Variants in PDE8A observed in about 807,000 individuals in gnomAD.
PDE8A encodes phosphodiesterase 8A.
In PDE8A, 59 loss-of-function variants were observed where a neutral mutation model predicts 105.0. The observed-to-expected ratio is 0.56, with a 90% CI of 0.46 to 0.70. The LOEUF (loss-of-function observed/expected upper bound fraction) is 0.70. PDE8A is among the 30% of genes least tolerant of loss of function. The probability of loss-of-function intolerance (pLI) is 0.00; values close to 1 mark genes in which losing one functional copy is unlikely to be tolerated. For missense variants in PDE8A, 1,014 were observed against 1,045.9 expected, an observed-to-expected ratio of 0.97 and a Z score of 0.42; for synonymous variants, 355 against 371.9, an observed-to-expected ratio of 0.95 and a Z score of 0.52.
intron 1 of PDE8A, among the ~76,000 whole-genome samples, chr15:85,008,021 T>A (rs1244886122): frequency 6.6e-6 from 1 of 151,954 alleles, no homozygotes; most frequent in African/African-American, 2.4e-5. Flanking sequence ...GTACTTGGAG[T>A]GAGCTTGAAG....
Position 85,100,080 on chromosome 15 carries a change from GC to G in PDE8A, c.993+20del, listed in dbSNP as rs932732998. 4 of 1,613,054 alleles carry G rather than the reference GC, an allele frequency of 2.5e-6. No individual in the cohort carries two copies. Among genetic ancestry groups the G allele is most frequent in the South Asian group, 1.1e-5 (1 of 90,964 alleles). ...GGCAACAATAAGGTACGTAAGGAGA[GC>G]CCCCCGGGGCCCCAGGAACACCCCA... On this transcript the variant is annotated intron_variant, in intron 10 of 21. Transcript: ENST00000394553.
At chr15:84,989,778 G>C (rs1261476777) in intron 1 of PDE8A, among the ~76,000 whole-genome samples, 1 of 152,120 alleles carries the variant, frequency 6.6e-6, no homozygotes, top group African/African-American at 2.4e-5. Flanking sequence ...AGGCAAACTT[G>C]GTTCAAATAT....
At chr15:85,003,599 T>A (rs1161830120) in intron 1 of PDE8A, among the ~76,000 whole-genome samples, 2 of 152,178 alleles carry the variant, frequency 1.3e-5, no homozygotes, top group African/African-American at 4.8e-5. Context: ...TAATACTACT[T>A]TTATATGTAA....
At chr15:84,994,046 C>T (rs2079935534) in intron 1 of PDE8A, among the ~76,000 whole-genome samples, 1 of 152,202 alleles carries the variant, frequency 6.6e-6, no homozygotes, top group Non-Finnish European at 1.5e-5. Context: ...CTTGATCTGT[C>T]CTCCGTGTCT....
intron 1 of PDE8A, among the ~76,000 whole-genome samples, chr15:85,008,655 C>G (rs937307306): frequency 1.3e-5 from 2 of 152,130 alleles, no homozygotes; most frequent in African/African-American, 4.8e-5. Flanking sequence ...TCTTTGCATT[C>G]GGCCAAACCC....
chr15:85,124,115 C>T (rs962460214), intron 19 of PDE8A, among the ~76,000 whole-genome samples: 1 of 152,098 alleles, frequency 6.6e-6, no homozygotes, highest in Non-Finnish European at 1.5e-5. Flanking sequence ...TATTGTTGCC[C>T]CTGTTTCTAC....
At chr15:85,000,036 C>G (rs1031814654) in intron 1 of PDE8A, among the ~76,000 whole-genome samples, 1 of 152,136 alleles carries the variant, frequency 6.6e-6, no homozygotes, top group Non-Finnish European at 1.5e-5. Flanking sequence ...TGAAAACTTG[C>G]GTTCAAATTC....
At chr15:85,026,540 G>A (rs1448827160) in intron 1 of PDE8A, among the ~76,000 whole-genome samples, 1 of 152,106 alleles carries the variant, frequency 6.6e-6, no homozygotes, top group Non-Finnish European at 1.5e-5. Context: ...CTTCTGTTCC[G>A]GATTTGTGGA....
rs1230268977 is a variant in PDE8A, at chr15:85,139,095, G to T, written c.*1192G>T. The T allele has an allele frequency of 1.3e-5, 2 of 151,746 alleles. No homozygotes were observed. Among genetic ancestry groups the T allele is most frequent in the Admixed American group, 6.6e-5 (1 of 15,210 alleles). 9.4% of individuals were successfully genotyped at this position (151,746 alleles called of 1,614,324 possible). ...ATTTCATTTTAAACTCGTATTTGTG[G>T]TTTTTTTCCCAGATAAAAATGAAAT... On this transcript the variant is annotated 3_prime_UTR_variant, in exon 22 of 22. Coordinates refer to ENST00000394553, the MANE Select transcript of PDE8A (RefSeq NM_002605.3).
intron 11 of PDE8A, among the ~76,000 whole-genome samples, chr15:85,103,065 AC>A (rs1390461022): frequency 6.6e-6 from 1 of 151,944 alleles, no homozygotes; most frequent in African/African-American, 2.4e-5. Context: ...TACCAAACAT[AC>A]AAAAAATTAG....
intron 6 of PDE8A, among the ~76,000 whole-genome samples, chr15:85,086,264 G>A (rs980285476): frequency 2.0e-5 from 3 of 152,108 alleles, no homozygotes; most frequent in South Asian, 2.1e-4. Flanking sequence ...ATTGGATGAC[G>A]AAGTCATTAT....
chr15:85,124,252 G>C (rs2082226404), intron 19 of PDE8A, among the ~76,000 whole-genome samples: 1 of 152,106 alleles, frequency 6.6e-6, no homozygotes, highest in African/African-American at 2.4e-5. Context: ...TGTAGAATGG[G>C]GATAAGAAGT....
chr15:85,098,138 A>G (rs2081791696), intron 9 of PDE8A, 102 bp downstream of exon 9: 1 of 732,590 alleles, frequency 1.4e-6, no homozygotes, highest in Non-Finnish European at 2.4e-6. Flanking sequence ...AGAAGTGTCA[A>G]GGTCAGGTGT....
intron 5 of PDE8A, among the ~76,000 whole-genome samples, chr15:85,077,863 T>C (rs2081401813): frequency 2.6e-5 from 4 of 151,466 alleles, no homozygotes; most frequent in African/African-American, 4.9e-5. Context: ...AACACAGTAA[T>C]TGAACAATTT....
chr15:85,062,162 T>C (rs2081156288), intron 1 of PDE8A, among the ~76,000 whole-genome samples: 2 of 152,200 alleles, frequency 1.3e-5, no homozygotes, highest in Admixed American at 1.3e-4. Flanking sequence ...TTTGTGTGCT[T>C]TGTGAATTTG....
In PDE8A at chr15:84,989,575, C is replaced by T. The variant is rs370242660; in HGVS notation, c.186+7227C>T. Among the ~76,000 whole-genome samples, 316 of 152,254 alleles carry T rather than the reference C, an allele frequency of 2.1e-3. 3 individuals carry two copies. Among genetic ancestry groups the T allele is most frequent in the African/African-American group, 7.2e-3 (299 of 41,554 alleles). On this transcript the variant is annotated intron_variant, in intron 1 of 21. Transcript: ENST00000394553. ...GAGCCAGAAGATGTGTGTTTTGGGT[C>T]CAGCTCCATCAGGCTTTGGCTATGT...
intron 1 of PDE8A, among the ~76,000 whole-genome samples, chr15:85,005,238 C>G (rs1462351453): frequency 6.6e-6 from 1 of 152,140 alleles, no homozygotes; most frequent in African/African-American, 2.4e-5. Flanking sequence ...CCTCAGCCCC[C>G]TGAGTAGCTG....
chr15:85,105,097 G>C (rs2081928241), intron 11 of PDE8A, among the ~76,000 whole-genome samples: 1 of 152,286 alleles, frequency 6.6e-6, no homozygotes, highest in African/African-American at 2.4e-5. Flanking sequence ...TGCCAGTAAT[G>C]TGACAGGCTC....
At chr15:85,021,168 A>G (rs375663173) in intron 1 of PDE8A, among the ~76,000 whole-genome samples, 1 of 152,192 alleles carries the variant, frequency 6.6e-6, no homozygotes, top group East Asian at 1.9e-4. Context: ...AGCAGGTGCC[A>G]TCTATGAAGA....
Sources: gnomAD v4.1 joint callset for allele counts (sites outside exome capture counted in the v4.1 genomes callset) on GRCh38, gnomAD v4.1.1 for gene constraint, MANE v1.5 for transcripts, NCBI Gene and HGNC (gene_info 2026-07-23, HGNC 2026-07-21) for gene names.